DOCK2: variants seen among roughly 807,000 people sequenced by gnomAD.
The protein encoded by DOCK2 is dedicator of cytokinesis protein 2.
A neutral mutation model predicts 248.9 loss-of-function variants in DOCK2; 87 were observed. The ratio of observed to expected loss-of-function variants is 0.35; its 90% CI spans 0.29 to 0.42. The LOEUF (loss-of-function observed/expected upper bound fraction) is 0.42, where lower values mean the gene tolerates loss of function less well. DOCK2 is among the 10% of genes least tolerant of loss of function. The probability of loss-of-function intolerance (pLI) is 1.00; values close to 1 mark genes in which losing one functional copy is unlikely to be tolerated. For synonymous variants in DOCK2, 805 were observed against 821.6 expected (o/e 0.98, Z 0.35); for missense variants, 1,747 against 2,300.2 (o/e 0.76, Z 4.92).
chr5:170,061,893 GC>G (rs905135854), intron 44 of DOCK2, among the ~76,000 whole-genome samples: 11 of 152,118 alleles, frequency 7.2e-5, no homozygotes, highest in African/African-American at 2.4e-4. Flanking sequence ...GCCCCTCAGA[GC>G]CCCCCCAGAG....
At position 169,896,044 on chromosome 5, in the gene DOCK2, C is replaced by T. The variant is rs568834668; in HGVS notation, c.2799+55192C>T. Reference sequence around the variant, plus strand: ...CCCTCCATGATCCTTTCTGGGCCAACGACCAGGACAGCCTTTCTGTTTCCC... The same window carrying T: ...CCCTCCATGATCCTTTCTGGGCCAATGACCAGGACAGCCTTTCTGTTTCCC... On this transcript the variant is annotated intron_variant, in intron 27 of 51. Transcript: ENST00000520908. 2.5e-3 allele frequency among the ~76,000 whole-genome samples: 374 copies of T among 152,276 alleles called. 2 individuals are homozygous for T. Among genetic ancestry groups the T allele is most frequent in the Non-Finnish European group, 4.4e-3 (301 of 68,010 alleles).
chr5:169,941,001 A>T (rs867629902), intron 27 of DOCK2, among the ~76,000 whole-genome samples: 3 of 152,204 alleles, frequency 2.0e-5, no homozygotes, highest in Non-Finnish European at 4.4e-5. Context: ...AGATAAACAG[A>T]GGTGAGAAAA....
At chr5:169,865,324 G>A (rs1639766826) in intron 27 of DOCK2, among the ~76,000 whole-genome samples, 1 of 152,164 alleles carries the variant, frequency 6.6e-6, no homozygotes, top group African/African-American at 2.4e-5. Flanking sequence ...GGTCAGGGGA[G>A]GTGGGCGTTG....
At chr5:169,914,950 A>G (rs1044542585) in intron 27 of DOCK2, among the ~76,000 whole-genome samples, 2 of 152,240 alleles carry the variant, frequency 1.3e-5, no homozygotes, top group African/African-American at 4.8e-5. Context: ...GCGCCTGCCC[A>G]GAGCTGGCAG....
intron 10 of DOCK2, among the ~76,000 whole-genome samples, chr5:169,696,853 G>A (rs542449881): frequency 5.3e-5 from 8 of 151,014 alleles, no homozygotes; most frequent in South Asian, 2.1e-4. Context: ...CTGGCACTGC[G>A]GCTAGCTAGC....
intron 27 of DOCK2, among the ~76,000 whole-genome samples, chr5:169,920,640 GGTGATAGCTCAGCCCCA>G (rs1261015983): frequency 6.6e-6 from 1 of 152,186 alleles, no homozygotes; most frequent in African/African-American, 2.4e-5. Context: ...TGTCATAAAA[GGTGATAGCTCAGCCCCA>G]GTGGCAGGTG....
chr5:169,728,476 G>A (rs155240), intron 22 of DOCK2, among the ~76,000 whole-genome samples: 48,541 of 151,976 alleles, frequency 0.32, 11,565 homozygotes, highest in African/African-American at 0.66. Flanking sequence ...TAGGATAACA[G>A]GCAGAAAGGA....
At chr5:169,653,259 T>G (rs1429633282) in intron 1 of DOCK2, among the ~76,000 whole-genome samples, 1 of 152,250 alleles carries the variant, frequency 6.6e-6, no homozygotes, top group Non-Finnish European at 1.5e-5. Context: ...GGGGCCTGCC[T>G]ACGTTTAGTT....
intron 25 of DOCK2, among the ~76,000 whole-genome samples, chr5:169,765,862 A>G (rs1016591310): frequency 2.0e-5 from 3 of 152,182 alleles, no homozygotes; most frequent in Admixed American, 6.5e-5. Context: ...CTTTTATTAA[A>G]GCTTAGCTTC....
intron 25 of DOCK2, among the ~76,000 whole-genome samples, chr5:169,792,589 G>C (rs754055941): frequency 6.6e-6 from 1 of 152,004 alleles, no homozygotes; most frequent in Non-Finnish European, 1.5e-5. Flanking sequence ...TGGGACTGCA[G>C]GTGCATGCCC....
intron 2 of DOCK2, among the ~76,000 whole-genome samples, chr5:169,662,935 T>A (rs180698167): frequency 6.6e-6 from 1 of 152,232 alleles, no homozygotes; most frequent in African/African-American, 2.4e-5. Context: ...AAGTCTTAAC[T>A]CACTCCAGCA....
intron 46 of DOCK2, among the ~76,000 whole-genome samples, chr5:170,069,954 C>T (rs1000106264): frequency 2.6e-5 from 4 of 152,124 alleles, no homozygotes; most frequent in African/African-American, 9.7e-5. Flanking sequence ...TTTTGCCCCC[C>T]ACCCCCACAC....
intron 25 of DOCK2, among the ~76,000 whole-genome samples, chr5:169,782,094 G>T (rs1020071275): frequency 2.0e-5 from 3 of 152,072 alleles, no homozygotes; most frequent in Admixed American, 1.3e-4. Context: ...AATTAAGTAG[G>T]TCCCAGTTAC....
chr5:170,005,461 C>T (rs576729087), intron 30 of DOCK2, among the ~76,000 whole-genome samples: 7 of 152,042 alleles, frequency 4.6e-5, no homozygotes, highest in Non-Finnish European at 1.0e-4. Context: ...TACTCTACAC[C>T]CAGTGCTACC....
At chr5:169,935,867 TG>T (rs1775969980) in intron 27 of DOCK2, among the ~76,000 whole-genome samples, 1 of 152,174 alleles carries the variant, frequency 6.6e-6, no homozygotes, top group Admixed American at 6.5e-5. Context: ...TAATTAGGAA[TG>T]GCATTTACTC....
chr5:169,737,047 T>G (rs1465474165), intron 22 of DOCK2, among the ~76,000 whole-genome samples: 1 of 152,120 alleles, frequency 6.6e-6, no homozygotes, highest in African/African-American at 2.4e-5. Flanking sequence ...TGGGTGCATG[T>G]AAAATCAAGG....
intron 25 of DOCK2, among the ~76,000 whole-genome samples, chr5:169,767,093 G>A (rs1220510106): frequency 1.3e-5 from 2 of 152,180 alleles, no homozygotes; most frequent in South Asian, 2.1e-4. Context: ...TTTGAGTGGC[G>A]AGAGATGGTA....
intron 30 of DOCK2, among the ~76,000 whole-genome samples, chr5:170,002,443 A>G (rs1205566697): frequency 6.6e-6 from 1 of 152,220 alleles, no homozygotes; most frequent in Non-Finnish European, 1.5e-5. Context: ...CTGTACATAC[A>G]TTTGTTTATG....
At chr5:169,804,104 G>C (rs565565243) in intron 26 of DOCK2, among the ~76,000 whole-genome samples, 1 of 152,308 alleles carries the variant, frequency 6.6e-6, no homozygotes, top group South Asian at 2.1e-4. Flanking sequence ...CATCCTCAGA[G>C]AAGAGCTTTC....
Sources: allele counts gnomAD v4.1 joint callset (sites outside exome capture counted in the v4.1 genomes callset), GRCh38; gene constraint gnomAD v4.1.1; transcripts MANE v1.5; gene names NCBI Gene and HGNC (gene_info 2026-07-23, HGNC 2026-07-21).